Variants in NOL4 observed in about 807,000 individuals in gnomAD.
NOL4 encodes the protein cancer/testis antigen 125.
A neutral mutation model predicts 75.9 loss-of-function variants in NOL4; 17 were observed. The ratio of observed to expected loss-of-function variants is 0.22; its 90% confidence interval spans 0.15 to 0.34. The LOEUF is 0.34. Among genes scored for constraint, NOL4 ranks in the 10% least tolerant of loss-of-function variants. NOL4 has a pLI of 1.00. For missense variants in NOL4, 614 were observed against 793.5 expected (o/e 0.77, Z 2.72); for synonymous variants, 292 against 289.9 (o/e 1.01, Z -0.07).
intron 8 of NOL4, among the ~76,000 whole-genome samples, chr18:33,950,158 T>C (rs2145649574): frequency 6.6e-6 from 1 of 152,032 alleles, no homozygotes; most frequent in Admixed American, 6.6e-5. Flanking sequence ...CCACTAATTG[T>C]TAAATAGATT....
intron 1 of NOL4, among the ~76,000 whole-genome samples, chr18:34,190,420 A>G (rs1004471750): frequency 1.3e-5 from 2 of 152,030 alleles, no homozygotes; most frequent in Non-Finnish European, 2.9e-5. Context: ...TATTATATAA[A>G]TAACTGTCAA....
intron 9 of NOL4, among the ~76,000 whole-genome samples, chr18:33,937,180 A>T (rs4799732): frequency 6.6e-6 from 1 of 151,894 alleles, no homozygotes; most frequent in Admixed American, 6.6e-5. Flanking sequence ...ACTTCTGTGA[A>T]ATCTGATTCC....
chr18:34,154,699 T>C (rs1433160434), intron 1 of NOL4, among the ~76,000 whole-genome samples: 1 of 151,978 alleles, frequency 6.6e-6, no homozygotes, highest in Non-Finnish European at 1.5e-5. Context: ...TTGCTATATA[T>C]ATATATATCT....
intron 9 of NOL4, among the ~76,000 whole-genome samples, chr18:33,887,186 T>C (rs1159219131): frequency 6.8e-6 from 1 of 146,596 alleles, no homozygotes; most frequent in Non-Finnish European, 1.5e-5. Context: ...ATCTATTATA[T>C]ACCCACAAAA....
chr18:34,204,010 A>T (rs1421648489), intron 1 of NOL4, among the ~76,000 whole-genome samples: 4 of 152,058 alleles, frequency 2.6e-5, no homozygotes, highest in African/African-American at 4.8e-5. Flanking sequence ...CAGTGTAGAC[A>T]GTGTATACCT....
intron 9 of NOL4, among the ~76,000 whole-genome samples, chr18:33,923,715 T>C: frequency 6.6e-6 from 1 of 152,160 alleles, no homozygotes; most frequent in Non-Finnish European, 1.5e-5. Context: ...AATCGTTATC[T>C]TTTGTGTATA....
intron 5 of NOL4, among the ~76,000 whole-genome samples, chr18:34,031,202 A>G (rs139480896): frequency 6.6e-6 from 1 of 152,306 alleles, no homozygotes; most frequent in Non-Finnish European, 1.5e-5. Context: ...AGAACAGGCT[A>G]TGTCCGTCTT....
chr18:34,143,303 G>C (rs546946274), intron 1 of NOL4, among the ~76,000 whole-genome samples: 2 of 152,168 alleles, frequency 1.3e-5, no homozygotes, highest in South Asian at 4.2e-4. Context: ...TGATATAAAA[G>C]ATGTGTAACA....
chr18:34,139,450 C>T (rs1600703886), intron 1 of NOL4, among the ~76,000 whole-genome samples: 1 of 152,110 alleles, frequency 6.6e-6, no homozygotes, highest in African/African-American at 2.4e-5. Context: ...TCTAGATTTT[C>T]TAGTTTATTT....
At chr18:33,912,953 T>C (rs2066495870) in intron 9 of NOL4, among the ~76,000 whole-genome samples, 1 of 152,078 alleles carries the variant, frequency 6.6e-6, no homozygotes, top group South Asian at 2.1e-4. Context: ...AAAACTACAG[T>C]GTCTTGATCA....
intron 6 of NOL4, among the ~76,000 whole-genome samples, chr18:34,001,327 G>C (rs1317418509): frequency 6.6e-6 from 1 of 152,122 alleles, no homozygotes; most frequent in Admixed American, 6.6e-5. Context: ...CGGACTGTAG[G>C]TTTGTTCTAC....
At chr18:34,069,600 A>G (rs1234067730) in intron 5 of NOL4, among the ~76,000 whole-genome samples, 1 of 152,192 alleles carries the variant, frequency 6.6e-6, no homozygotes, top group Non-Finnish European at 1.5e-5. Flanking sequence ...TCATAGGCAA[A>G]CTGATGAAAA....
At chr18:34,073,248 C>T (rs766046929) in intron 5 of NOL4, among the ~76,000 whole-genome samples, 98 of 152,054 alleles carry the variant, frequency 6.4e-4, no homozygotes, top group Non-Finnish European at 9.1e-4. Context: ...TATGACTACA[C>T]GCTCTACAGA....
chr18:33,948,488 G>T (rs1461854006), intron 8 of NOL4, among the ~76,000 whole-genome samples: 3 of 151,866 alleles, frequency 2.0e-5, no homozygotes, highest in Admixed American at 6.6e-5. Context: ...TACAGCAGTG[G>T]AATAGAGATA....
chr18:33,875,956 G>A (rs1317029176), intron 10 of NOL4, among the ~76,000 whole-genome samples: 1 of 152,008 alleles, frequency 6.6e-6, no homozygotes, highest in African/African-American at 2.4e-5. Context: ...ATCTTCCAAA[G>A]AGTGGAAGGA....
At chr18:33,862,294 T>G (rs2063184544) in intron 10 of NOL4, among the ~76,000 whole-genome samples, 1 of 152,110 alleles carries the variant, frequency 6.6e-6, no homozygotes, top group African/African-American at 2.4e-5. Context: ...GACTTAAACG[T>G]TAGACCTAAA....
At chr18:33,993,342 G>C (rs1568183270) in intron 6 of NOL4, among the ~76,000 whole-genome samples, 1 of 151,828 alleles carries the variant, frequency 6.6e-6, no homozygotes, top group South Asian at 2.1e-4. Context: ...GGTGAGTGTG[G>C]GCATACCCAA....
chr18:34,216,550 A>T (rs1281334835), intron 1 of NOL4, among the ~76,000 whole-genome samples: 1 of 151,428 alleles, frequency 6.6e-6, no homozygotes, highest in Admixed American at 6.6e-5. Flanking sequence ...AATGTTTAAA[A>T]TGAAATTACA....
intron 9 of NOL4, among the ~76,000 whole-genome samples, chr18:33,890,618 T>A (rs562618341): frequency 6.6e-6 from 1 of 152,074 alleles, no homozygotes; most frequent in Non-Finnish European, 1.5e-5. Context: ...CAGCTGATAA[T>A]GAGAACTTTT....
Sources: gnomAD v4.1 joint callset for allele counts (sites outside exome capture counted in the v4.1 genomes callset) on GRCh38, gnomAD v4.1.1 for gene constraint, MANE v1.5 for transcripts, NCBI Gene and HGNC (gene_info 2026-07-23, HGNC 2026-07-21) for gene names.